The following KIAA1328 variants were observed in gnomAD, a reference collection of about 807,000 sequenced individuals.
KIAA1328 encodes the protein KIAA1328.
In KIAA1328, 52 loss-of-function variants were observed where a neutral mutation model predicts 68.1. The ratio of observed to expected loss-of-function variants is 0.76; its 90% CI spans 0.61 to 0.96. The LOEUF (loss-of-function observed/expected upper bound fraction) is 0.96, where lower values mean the gene tolerates loss of function less well. Among genes scored for constraint, KIAA1328 ranks in the 40% least tolerant of loss-of-function variants. The pLI, the probability that KIAA1328 is intolerant of heterozygous loss-of-function variation, is 0.00. For synonymous variants in KIAA1328, 232 were observed against 239.4 expected, an observed-to-expected ratio of 0.97 and a Z score of 0.28; for missense variants, 641 against 677.6, an observed-to-expected ratio of 0.95 and a Z score of 0.60.
At chr18:36,831,968 A>G (rs1445302002) in intron 1 of KIAA1328, among the ~76,000 whole-genome samples, 1 of 152,100 alleles carries the variant, frequency 6.6e-6, no homozygotes, top group African/African-American at 2.4e-5. Flanking sequence ...TACAAATTAA[A>G]CTGTACAATT....
At chr18:36,979,465 T>C (rs1381269529) in intron 6 of KIAA1328, among the ~76,000 whole-genome samples, 2 of 152,074 alleles carry the variant, frequency 1.3e-5, no homozygotes, top group East Asian at 1.9e-4. Flanking sequence ...TGGATGAAGA[T>C]AATAGGAAAC....
chr18:37,054,035 G>A (rs2055811675), intron 6 of KIAA1328, among the ~76,000 whole-genome samples: 1 of 151,230 alleles, frequency 6.6e-6, no homozygotes, highest in South Asian at 2.1e-4. Flanking sequence ...TATGTAAGTG[G>A]CCAAGAAACA....
At chr18:36,898,926 C>T (rs767207575) in intron 5 of KIAA1328, among the ~76,000 whole-genome samples, 5 of 151,842 alleles carry the variant, frequency 3.3e-5, no homozygotes, top group South Asian at 2.1e-4. Flanking sequence ...TATTTGCAGT[C>T]GTGTCATCTG....
chr18:37,149,983 A>G (rs1369305933), intron 7 of KIAA1328, among the ~76,000 whole-genome samples: 1 of 152,166 alleles, frequency 6.6e-6, no homozygotes, highest in African/African-American at 2.4e-5. Flanking sequence ...GTTGTGAACA[A>G]TTTTTTGCAA....
In KIAA1328 at chr18:36,932,729, G is replaced by A. The variant is rs371637534; in HGVS notation, c.449-26579G>A. 3.3e-5 allele frequency among the ~76,000 whole-genome samples: 5 copies of A among 152,120 alleles called. No individual in the cohort carries two copies. The East Asian group carries it at 9.6e-4, about 29-fold the overall frequency. The stretch of plus-strand genomic sequence containing the variant: ...TCAACTATTCAGGATCAATTTTCCT[G>A]CTAATTGATTATTATTTTATAAAGT... On this transcript the variant is annotated intron_variant, in intron 5 of 9. Transcript: ENST00000280020.
downstream of KIAA1328, chr18:37,229,697 AC>A: frequency 2.6e-6 from 1 of 389,912 alleles, no homozygotes; most frequent in Non-Finnish European, 4.6e-6. Context: ...ACACGGTGAA[AC>A]CCCATCTCTG....
chr18:36,922,987 C>T (rs2049983390), intron 5 of KIAA1328, among the ~76,000 whole-genome samples: 1 of 152,000 alleles, frequency 6.6e-6, no homozygotes, highest in Admixed American at 6.6e-5. Context: ...TAGTATTCCT[C>T]CATGTCAATA....
At chr18:37,139,129 A>AT (rs2058711928) in intron 7 of KIAA1328, among the ~76,000 whole-genome samples, 1 of 151,148 alleles carries the variant, frequency 6.6e-6, no homozygotes, top group Admixed American at 6.6e-5. Flanking sequence ...GCTAACTTTT[A>AT]TTTTTTTGTA....
chr18:37,208,820 C>T (rs1349242006), intron 9 of KIAA1328, among the ~76,000 whole-genome samples: 1 of 151,988 alleles, frequency 6.6e-6, no homozygotes, highest in Non-Finnish European at 1.5e-5. Flanking sequence ...AGCAAAAGCT[C>T]CAGAAGCAAT....
intron 6 of KIAA1328, among the ~76,000 whole-genome samples, chr18:37,021,666 G>A (rs2054350170): frequency 6.6e-6 from 1 of 151,932 alleles, no homozygotes; most frequent in African/African-American, 2.4e-5. Flanking sequence ...TGAGGAATTG[G>A]GGTCTCCTCT....
At chr18:37,011,199 A>AT (rs1479744351) in intron 6 of KIAA1328, among the ~76,000 whole-genome samples, 1 of 152,194 alleles carries the variant, frequency 6.6e-6, no homozygotes, top group Non-Finnish European at 1.5e-5. Flanking sequence ...TTTCAGTCTA[A>AT]TTAAGGAAAC....
At chr18:37,229,153 C>T (rs1014269992), downstream of KIAA1328, among the ~76,000 whole-genome samples, 1 of 152,048 alleles carries the variant, frequency 6.6e-6, no homozygotes, top group African/African-American at 2.4e-5. Flanking sequence ...GGATGAAAAC[C>T]CAGACCGTGT....
chr18:36,992,451 C>CTTTTTTTTTTTTTTTTT (rs71168252), intron 6 of KIAA1328, among the ~76,000 whole-genome samples: 1 of 130,098 alleles, frequency 7.7e-6, no homozygotes, highest in Non-Finnish European at 1.6e-5. Context: ...TCTTTTCTTT[C>CTTTTTTTTTTTTTTTTT]TTTTTTTTTT....
intron 5 of KIAA1328, among the ~76,000 whole-genome samples, chr18:36,952,164 AT>A (rs1372374242): frequency 2.6e-5 from 4 of 151,900 alleles, no homozygotes; most frequent in Admixed American, 2.6e-4. Context: ...GATCCTGGTG[AT>A]TTCTCAGCCA....
At chr18:36,999,219 T>C (rs1385586343) in intron 6 of KIAA1328, among the ~76,000 whole-genome samples, 1 of 152,104 alleles carries the variant, frequency 6.6e-6, no homozygotes, top group Non-Finnish European at 1.5e-5. Flanking sequence ...TGAAATAATC[T>C]AGTCAGATAA....
At chr18:37,067,772 C>A (rs908428409) in intron 7 of KIAA1328, among the ~76,000 whole-genome samples, 8 of 151,986 alleles carry the variant, frequency 5.3e-5, no homozygotes, top group Admixed American at 3.3e-4. Flanking sequence ...CTTGGCCAGG[C>A]TGGTCTTGAA....
intron 9 of KIAA1328, among the ~76,000 whole-genome samples, chr18:37,216,243 G>C (rs147923515): frequency 3.0e-4 from 46 of 152,220 alleles, no homozygotes; most frequent in African/African-American, 1.0e-3. Flanking sequence ...ATGTTAGGGT[G>C]TTGATTTTAG....
At chr18:37,177,590 A>G (rs1176768385) in intron 9 of KIAA1328, among the ~76,000 whole-genome samples, 1 of 152,282 alleles carries the variant, frequency 6.6e-6, no homozygotes, top group East Asian at 1.9e-4. Flanking sequence ...GCCTGTTTCT[A>G]GGATGTACTG....
chr18:37,177,097 T>C (rs1444573496), intron 9 of KIAA1328, among the ~76,000 whole-genome samples: 1 of 152,244 alleles, frequency 6.6e-6, no homozygotes, highest in Non-Finnish European at 1.5e-5. Flanking sequence ...CAGGCAGAAT[T>C]TGCATTAATG....
Sources: allele counts gnomAD v4.1 joint callset (sites outside exome capture counted in the v4.1 genomes callset), GRCh38; gene constraint gnomAD v4.1.1; transcripts MANE v1.5; gene names NCBI Gene and HGNC (gene_info 2026-07-23, HGNC 2026-07-21).